ERCC6L2: variants seen among roughly 807,000 people sequenced by gnomAD.
The protein encoded by ERCC6L2 is DNA excision repair protein ERCC-6-like 2.
Under a neutral mutation model 132.0 loss-of-function variants are expected in ERCC6L2, and 77 were observed. The ratio of observed to expected loss-of-function variants is 0.58; its 90% CI spans 0.49 to 0.71. ERCC6L2 has a LOEUF of 0.71. Ranked by LOEUF, ERCC6L2 falls within the 30% of genes least tolerant of loss-of-function variation. ERCC6L2 has a pLI of 0.00. For missense variants in ERCC6L2, 1,542 were observed against 1,837.6 expected (o/e 0.84, Z 2.94); for synonymous variants, 583 against 632.4 (o/e 0.92, Z 1.17).
At chr9:95,898,963 A>G (rs1351233657) in intron 3 of ERCC6L2, among the ~76,000 whole-genome samples, 2 of 152,164 alleles carry the variant, frequency 1.3e-5, no homozygotes, top group East Asian at 3.8e-4. Context: ...ATGGTTCTTA[A>G]TGTATTTTAA....
intron 18 of ERCC6L2, among the ~76,000 whole-genome samples, chr9:96,006,004 G>T (rs957647827): frequency 3.3e-5 from 5 of 152,184 alleles, no homozygotes; most frequent in Non-Finnish European, 7.3e-5. Flanking sequence ...GAAAACCAGA[G>T]AGAAACAAGA....
chr9:95,875,964 G>A lies in ERCC6L2; in HGVS notation c.-75G>A. The stretch of plus-strand genomic sequence containing the variant: ...TGGCGTTGGCCGCCATTGGCCTGCC[G>A]GCCAGCCACCTTGCTGTCCTCCGCC... On this transcript the variant is annotated 5_prime_UTR_variant, in exon 1 of 19. Transcript: ENST00000653738. 6.6e-7 allele frequency: 1 copy of A among 1,512,000 alleles called. No individual in the cohort carries two copies. The highest frequency in any genetic ancestry group is 1.2e-5 in the South Asian group (1 of 83,166). 93.7% of individuals were successfully genotyped at this position (1,512,000 alleles called of 1,614,324 possible). A position where few individuals can be genotyped will look rare whatever the true frequency, so the allele number is the denominator to read the frequency against.
intron 12 of ERCC6L2, chr9:95,955,030 C>T (rs1251188695): frequency 1.8e-5 from 7 of 379,764 alleles, no homozygotes; most frequent in Non-Finnish European, 3.7e-5. Context: ...GCAGTATGGC[C>T]TTGCCCCGGT....
intron 19 of ERCC6L2, among the ~76,000 whole-genome samples, chr9:96,030,634 G>A (rs927173604): frequency 4.0e-5 from 6 of 151,136 alleles, no homozygotes; most frequent in Non-Finnish European, 5.9e-5. Context: ...CCCGGGAGGC[G>A]GAGCTTGCAG....
intron 1 of ERCC6L2, among the ~76,000 whole-genome samples, chr9:95,880,403 C>T (rs994099261): frequency 1.3e-5 from 2 of 152,182 alleles, no homozygotes; most frequent in African/African-American, 4.8e-5. Context: ...TTCACGATTA[C>T]TCTACCATAT....
chr9:95,969,169 A>G (rs568191839), intron 14 of ERCC6L2, among the ~76,000 whole-genome samples: 38 of 152,300 alleles, frequency 2.5e-4, no homozygotes, highest in Non-Finnish European at 4.3e-4. Context: ...AGAGAGCAAG[A>G]GATGGAGCCG....
In ERCC6L2 at chr9:95,970,641, A is replaced by G. The variant is rs965482122; in HGVS notation, c.2166A>G (p.Ala722=). The change falls in exon 15 of 19, where the codon GCA becomes GCG. Residue 722 remains alanine (A), a synonymous_variant. Coordinates refer to ENST00000653738, the MANE Select transcript of ERCC6L2 (RefSeq NM_020207.7). ...ATTWLKEGPP[A]HKLEMPRQPD... ...CATGGTTGAAAGAGGGACCTCCAGC[A>G]CACAAACTGGAAATGGTATGTAATA... 1 of 1,303,720 alleles carries G rather than the reference A, an allele frequency of 7.7e-7. No individual in the cohort carries two copies. Among genetic ancestry groups the G allele is most frequent in the Non-Finnish European group, 1.0e-6 (1 of 988,558 alleles). 80.8% of individuals were successfully genotyped at this position (1,303,720 alleles called of 1,614,324 possible). A position where few individuals can be genotyped will look rare whatever the true frequency, so the allele number is the denominator to read the frequency against.
intron 4 of ERCC6L2, among the ~76,000 whole-genome samples, chr9:95,912,233 C>G (rs1829375564): frequency 6.6e-6 from 1 of 152,120 alleles, no homozygotes; most frequent in African/African-American, 2.4e-5. Context: ...TGTCCATGTT[C>G]TTTTTAGCTT....
chr9:95,979,261 C>G (rs1832794700), intron 17 of ERCC6L2, among the ~76,000 whole-genome samples: 1 of 152,094 alleles, frequency 6.6e-6, no homozygotes, highest in African/African-American at 2.4e-5. Context: ...TGACTGAATG[C>G]CTAGCTGGCA....
At chr9:96,038,131 G>T (rs1195605459) in intron 19 of ERCC6L2, among the ~76,000 whole-genome samples, 1 of 152,098 alleles carries the variant, frequency 6.6e-6, no homozygotes, top group Admixed American at 6.6e-5. Context: ...AAGTTCTTGT[G>T]TGGAGGAGGG....
intron 19 of ERCC6L2, among the ~76,000 whole-genome samples, chr9:96,026,362 C>G (rs1834363154): frequency 6.6e-6 from 1 of 152,160 alleles, no homozygotes; most frequent in Non-Finnish European, 1.5e-5. Context: ...AGGCTCAGGG[C>G]CTGGTAGCCA....
chr9:95,908,058 A>T (rs1829165173), intron 4 of ERCC6L2, among the ~76,000 whole-genome samples: 1 of 152,126 alleles, frequency 6.6e-6, no homozygotes, highest in South Asian at 2.1e-4. Context: ...TCAGATTTGC[A>T]CTTTGTAAAT....
At chr9:95,984,866 A>T (rs1229470764) in intron 17 of ERCC6L2, among the ~76,000 whole-genome samples, 1 of 152,190 alleles carries the variant, frequency 6.6e-6, no homozygotes, top group African/African-American at 2.4e-5. Flanking sequence ...TTCTCTGGAA[A>T]TTATCTGGAG....
chr9:95,940,717 GA>G (rs990803235), intron 11 of ERCC6L2, among the ~76,000 whole-genome samples: 4 of 150,374 alleles, frequency 2.7e-5, no homozygotes, highest in African/African-American at 4.9e-5. Context: ...TAGGAACCAG[GA>G]AAAAAAAAGT....
At chr9:95,917,985 A>G (rs1829680528) in intron 6 of ERCC6L2, among the ~76,000 whole-genome samples, 1 of 152,156 alleles carries the variant, frequency 6.6e-6, no homozygotes, top group Non-Finnish European at 1.5e-5. Context: ...TCTTATATGT[A>G]CTTTTATATT....
At chr9:95,911,866 A>C (rs1829355943) in intron 4 of ERCC6L2, among the ~76,000 whole-genome samples, 1 of 152,186 alleles carries the variant, frequency 6.6e-6, no homozygotes, top group Non-Finnish European at 1.5e-5. Flanking sequence ...AATTACCTTT[A>C]CCTCAACTCT....
At chr9:95,970,536 G>A (rs1832366963) in intron 14 of ERCC6L2, 40 bp from the exon 15 acceptor site, 1 of 1,238,144 alleles carries the variant, frequency 8.1e-7, no homozygotes, top group Non-Finnish European at 1.1e-6. Context: ...TACCCCCTGT[G>A]TTGCATAGCT....
chr9:95,968,579 A>G (rs1832271497), intron 14 of ERCC6L2: 1 of 152,192 alleles, frequency 6.6e-6, no homozygotes, highest in Non-Finnish European at 1.5e-5. Flanking sequence ...GACATTTTTA[A>G]TTTTTAAAGG....
chr9:96,029,176 T>C (rs1468104227), intron 19 of ERCC6L2, among the ~76,000 whole-genome samples: 13 of 151,608 alleles, frequency 8.6e-5, no homozygotes, highest in South Asian at 6.3e-4. Flanking sequence ...TGGTGGCACG[T>C]GACTGTAATC....
Sources: gnomAD v4.1 joint callset for allele counts (sites outside exome capture counted in the v4.1 genomes callset) on GRCh38, gnomAD v4.1.1 for gene constraint, MANE v1.5 for transcripts, NCBI Gene and HGNC (gene_info 2026-07-23, HGNC 2026-07-21) for gene names.